FANCB: variants seen among roughly 807,000 people sequenced by gnomAD.
The protein encoded by FANCB is Fanconi anemia group B protein.
In FANCB, 5 loss-of-function variants were observed where a neutral mutation model predicts 38.9. The observed-to-expected ratio is 0.13, with a 90% CI of 0.07 to 0.27. FANCB has a LOEUF of 0.27. FANCB is among the 10% of genes least tolerant of loss of function. The probability of loss-of-function intolerance (pLI) is 1.00; values close to 1 mark genes in which losing one functional copy is unlikely to be tolerated. For missense variants in FANCB, 573 were observed against 602.7 expected (o/e 0.95, Z 0.52); for synonymous variants, 236 against 215.4 (o/e 1.10, Z -0.84).
chrX:14,798,397 C>T, the FANCB span, among the ~76,000 whole-genome samples: 3 of 111,279 alleles, frequency 2.7e-5, no homozygotes, highest in Non-Finnish European at 5.7e-5. Flanking sequence ...CTCCTGACAT[C>T]GTGATCCACC....
chrX:14,774,788 T>A, the FANCB span, among the ~76,000 whole-genome samples: 1 of 111,635 alleles, frequency 9.0e-6, no homozygotes, highest in Non-Finnish European at 1.9e-5. Flanking sequence ...AACAATAACA[T>A]TTCTTTTTGA....
chrX:14,708,932 G>A, the FANCB span, among the ~76,000 whole-genome samples: 1 of 109,138 alleles, frequency 9.2e-6, no homozygotes, highest in Non-Finnish European at 1.9e-5. Flanking sequence ...GAGAAACTCC[G>A]TCTCCACACA....
At chrX:14,702,118 A>G in the FANCB span, among the ~76,000 whole-genome samples, 1 of 112,030 alleles carries the variant, frequency 8.9e-6, no homozygotes, top group Non-Finnish European at 1.9e-5. Flanking sequence ...ACGGTTATGC[A>G]GAGGTTCAGA....
At chrX:14,756,254 T>A in the FANCB span, among the ~76,000 whole-genome samples, 1 of 111,885 alleles carries the variant, frequency 8.9e-6, no homozygotes, top group African/African-American at 3.3e-5. Flanking sequence ...ATCATGACAC[T>A]GGTCTGGGCA....
the FANCB span, among the ~76,000 whole-genome samples, chrX:14,722,207 T>G: frequency 8.9e-6 from 1 of 112,112 alleles, no homozygotes; most frequent in Non-Finnish European, 1.9e-5. Context: ...AGCTAGGCAG[T>G]TGTGGTTCGG....
Position 14,864,652 on chromosome X carries a change from C to T in FANCB, c.859G>A (p.Val287Ile). 8.3e-7 allele frequency: 1 copy of T among 1,209,354 alleles called. No homozygotes were observed. Among genetic ancestry groups the T allele is most frequent in the Non-Finnish European group, 1.1e-6 (1 of 893,170 alleles). ...CCTCCACCTGAATCCATAAGTTGAA[C>T]TGCACAAGGATCTCCAAATGGAAGC... ...CQLPFGDPCAVQLMDSGGGNL... is the reference protein window; with the variant it reads ...CQLPFGDPCAIQLMDSGGGNL... Residue 287 changes from valine (V) to isoleucine (I), a missense_variant, in exon 3 of 10, where the codon GTT (valine) becomes ATT (isoleucine). Coordinates refer to ENST00000650831, the MANE Select transcript of FANCB (RefSeq NM_001018113.3).
the FANCB span, among the ~76,000 whole-genome samples, chrX:14,718,518 T>A: frequency 7.1e-5 from 8 of 112,246 alleles, no homozygotes; most frequent in East Asian, 2.3e-3. Context: ...CTCAGGAATT[T>A]GTAAAAGGCA....
chrX:14,804,257 G>A, the FANCB span, among the ~76,000 whole-genome samples: 3 of 111,993 alleles, frequency 2.7e-5, no homozygotes, highest in Non-Finnish European at 3.8e-5. Context: ...ATGATAGACT[G>A]GATTAAGAAA....
At chrX:14,690,071 A>T in the FANCB span, among the ~76,000 whole-genome samples, 1 of 111,892 alleles carries the variant, frequency 8.9e-6, no homozygotes, top group East Asian at 2.8e-4. Context: ...CTGTGTTTTC[A>T]TGTCAGTTAG....
the FANCB span, among the ~76,000 whole-genome samples, chrX:14,804,058 T>C: frequency 8.9e-6 from 1 of 111,967 alleles, no homozygotes; most frequent in Non-Finnish European, 1.9e-5. Flanking sequence ...AGTTCAACCA[T>C]TGTGGAAGAC....
intron 1 of FANCB, among the ~76,000 whole-genome samples, chrX:14,871,620 ATATG>A (rs1295561676): frequency 6.7e-5 from 4 of 60,040 alleles, no homozygotes; most frequent in Non-Finnish European, 1.3e-4. Context: ...ATCTATCTAT[ATATG>A]TGTGTGTGTG....
At chrX:14,780,335 ACTTT>A in the FANCB span, among the ~76,000 whole-genome samples, 1 of 110,992 alleles carries the variant, frequency 9.0e-6, no homozygotes, top group Non-Finnish European at 1.9e-5. Context: ...TATTGAAATC[ACTTT>A]CTGAGTTTTT....
chrX:14,734,320 T>A, the FANCB span, among the ~76,000 whole-genome samples: 1 of 112,413 alleles, frequency 8.9e-6, no homozygotes, highest in Non-Finnish European at 1.9e-5. Context: ...AATTAACTTA[T>A]ATAACTTTAC....
At chrX:14,804,239 G>A in the FANCB span, among the ~76,000 whole-genome samples, 315 of 111,986 alleles carry the variant, frequency 2.8e-3, no homozygotes, top group African/African-American at 9.9e-3. Context: ...CAAGCCAAAT[G>A]TCCAACAATG....
chrX:14,716,052 T>C, the FANCB span, among the ~76,000 whole-genome samples: 1 of 111,568 alleles, frequency 9.0e-6, no homozygotes, highest in African/African-American at 3.3e-5. Context: ...TGTGTGACTG[T>C]ATAGTATGCA....
At chrX:14,760,451 A>T in the FANCB span, among the ~76,000 whole-genome samples, 1 of 111,679 alleles carries the variant, frequency 9.0e-6, no homozygotes, top group African/African-American at 3.3e-5. Context: ...TCAAAGTCAT[A>T]GTTAGGAGAA....
chrX:14,812,751 T>C, the FANCB span, among the ~76,000 whole-genome samples: 2 of 110,393 alleles, frequency 1.8e-5, no homozygotes, highest in Admixed American at 9.6e-5. Context: ...GAGGAACTGG[T>C]ACCATTCCTT....
At chrX:14,714,727 G>A in the FANCB span, among the ~76,000 whole-genome samples, 2 of 112,487 alleles carry the variant, frequency 1.8e-5, no homozygotes, top group Non-Finnish European at 3.8e-5. Flanking sequence ...GGCAATGAAG[G>A]TGATGTTGTA....
chrX:14,865,900 A>C (rs1282424371), intron 2 of FANCB, among the ~76,000 whole-genome samples: 1 of 112,147 alleles, frequency 8.9e-6, no homozygotes, highest in African/African-American at 3.2e-5. Context: ...AAATTGCTTA[A>C]GGGTTATACT....
Sources: gnomAD v4.1 joint callset for allele counts (sites outside exome capture counted in the v4.1 genomes callset) on GRCh38, gnomAD v4.1.1 for gene constraint, MANE v1.5 for transcripts, NCBI Gene and HGNC (gene_info 2026-07-23, HGNC 2026-07-21) for gene names.